The following NEK11 variants were observed in gnomAD, a reference collection of about 807,000 sequenced individuals.
The protein encoded by NEK11 is NIMA related kinase 11.
In NEK11, 72 loss-of-function variants were observed where a neutral mutation model predicts 80.7. That is an observed-to-expected ratio of 0.89 (90% CI 0.74 to 1.08). The LOEUF (loss-of-function observed/expected upper bound fraction) is 1.08. NEK11 is among the 50% of genes least tolerant of loss of function. The pLI, the probability that NEK11 is intolerant of heterozygous loss-of-function variation, is 0.00. For missense variants in NEK11, 764 were observed against 763.6 expected, an observed-to-expected ratio of 1.00 and a Z score of -0.01; for synonymous variants, 251 against 260.7, an observed-to-expected ratio of 0.96 and a Z score of 0.36.
chr3:131,302,887 A>G (rs2096677059), intron 17 of NEK11, among the ~76,000 whole-genome samples: 1 of 152,160 alleles, frequency 6.6e-6, no homozygotes, highest in South Asian at 2.1e-4. Flanking sequence ...TGTCAAGTTC[A>G]AGTCCTGAAT....
chr3:131,030,643 G>C (rs6784576), intron 3 of NEK11, among the ~76,000 whole-genome samples: 1 of 152,042 alleles, frequency 6.6e-6, no homozygotes, highest in African/African-American at 2.4e-5. Context: ...TTCAAATTCC[G>C]TAGTCAGAAA....
chr3:131,168,139 C>G (rs1005789202), intron 12 of NEK11, among the ~76,000 whole-genome samples: 4 of 152,196 alleles, frequency 2.6e-5, no homozygotes, highest in African/African-American at 7.2e-5. Flanking sequence ...GGCACATTGT[C>G]AGCATCCCAT....
chr3:131,332,868 T>C (rs141389364), intron 17 of NEK11, among the ~76,000 whole-genome samples: 18,117 of 151,922 alleles, frequency 0.12, 1,511 homozygotes, highest in East Asian at 0.3. Context: ...AGGGTATCAG[T>C]GATGGAAGAC....
chr3:131,053,918 A>G (rs2068867507), intron 3 of NEK11: 1 of 152,294 alleles, frequency 6.6e-6, no homozygotes, highest in Non-Finnish European at 1.5e-5. Flanking sequence ...CAAGATTATT[A>G]TAAATTTTAA....
chr3:131,334,272 A>G (rs1257561058), intron 17 of NEK11, among the ~76,000 whole-genome samples: 1 of 152,228 alleles, frequency 6.6e-6, no homozygotes, highest in Non-Finnish European at 1.5e-5. Context: ...ACTGTCTCTC[A>G]GACCACAGTG....
chr3:131,277,531 A>T (rs927943395), intron 17 of NEK11, among the ~76,000 whole-genome samples: 1 of 152,220 alleles, frequency 6.6e-6, no homozygotes, highest in African/African-American at 2.4e-5. Flanking sequence ...AGTGTGTGAC[A>T]GTTTAAGGAT....
intron 17 of NEK11, among the ~76,000 whole-genome samples, chr3:131,328,101 T>A (rs1039646485): frequency 6.6e-6 from 1 of 151,836 alleles, no homozygotes; most frequent in Non-Finnish European, 1.5e-5. Context: ...CTGGGAAACA[T>A]AGCAAGACAC....
intron 3 of NEK11, among the ~76,000 whole-genome samples, chr3:131,034,356 CTGT>C (rs1560105564): frequency 2.6e-5 from 4 of 152,078 alleles, no homozygotes; most frequent in African/African-American, 9.7e-5. Context: ...TGATTTTATG[CTGT>C]TGTCTGTTTT....
chr3:131,092,783 T>G (rs2076916790), intron 4 of NEK11: 1 of 152,240 alleles, frequency 6.6e-6, no homozygotes, highest in African/African-American at 2.4e-5. Flanking sequence ...TAGAGTGATT[T>G]AAGCCTGCCG....
At chr3:131,324,324 T>C (rs1298162459) in intron 17 of NEK11, among the ~76,000 whole-genome samples, 1 of 152,198 alleles carries the variant, frequency 6.6e-6, no homozygotes, top group Non-Finnish European at 1.5e-5. Context: ...TTGTTGAAAC[T>C]CACCAAATGA....
chr3:131,194,267 A>G (rs1212176439), intron 14 of NEK11, among the ~76,000 whole-genome samples: 1 of 152,176 alleles, frequency 6.6e-6, no homozygotes, highest in East Asian at 1.9e-4. Context: ...TTTTTAGTCG[A>G]ATAGCTTATG....
chr3:131,180,351 C>T (rs1579684773), intron 14 of NEK11, among the ~76,000 whole-genome samples: 1 of 152,116 alleles, frequency 6.6e-6, no homozygotes, highest in South Asian at 2.1e-4. Flanking sequence ...GAACAAAACC[C>T]AAATATATAA....
At chr3:131,210,712 A>G (rs912831263) in intron 14 of NEK11, among the ~76,000 whole-genome samples, 1 of 151,990 alleles carries the variant, frequency 6.6e-6, no homozygotes, top group Non-Finnish European at 1.5e-5. Flanking sequence ...GAATTGATCC[A>G]TTTACCATTA....
intron 14 of NEK11, 119 bp downstream of exon 14, chr3:131,171,006 A>G (rs2092654440): frequency 1.3e-6 from 1 of 778,890 alleles, no homozygotes; most frequent in African/African-American, 1.7e-5. Flanking sequence ...TGCAGCTATT[A>G]TCAGTTTACC....
chr3:131,203,234 G>C (rs1189419361), intron 14 of NEK11, among the ~76,000 whole-genome samples: 1 of 152,038 alleles, frequency 6.6e-6, no homozygotes, highest in Non-Finnish European at 1.5e-5. Flanking sequence ...ATACACCATG[G>C]AATACTATGC....
intron 3 of NEK11, among the ~76,000 whole-genome samples, chr3:131,060,051 A>G (rs368387569): frequency 1.3e-5 from 2 of 152,304 alleles, no homozygotes; most frequent in African/African-American, 4.8e-5. Context: ...GTCTCTTTTA[A>G]GCACTGGGCC....
At chr3:131,041,150 T>G (rs1320377116) in intron 3 of NEK11, among the ~76,000 whole-genome samples, 1 of 152,250 alleles carries the variant, frequency 6.6e-6, no homozygotes, top group Non-Finnish European at 1.5e-5. Context: ...TGCTTTTAAT[T>G]TATATTGCTA....
intron 17 of NEK11, among the ~76,000 whole-genome samples, chr3:131,277,931 TA>T (rs2096325809): frequency 6.6e-6 from 1 of 152,226 alleles, no homozygotes; most frequent in South Asian, 2.1e-4. Context: ...AAGTGCTCAG[TA>T]AATGTTAACA....
chr3:131,115,970 C>CCTTCTTTCTT (rs2081123193), intron 5 of NEK11, among the ~76,000 whole-genome samples: 1 of 136,914 alleles, frequency 7.3e-6, no homozygotes, highest in African/African-American at 2.7e-5. Flanking sequence ...TTCTTTCTTT[C>CCTTCTTTCTT]TTTCTTTCTT....
Sources: gnomAD v4.1 joint callset for allele counts (sites outside exome capture counted in the v4.1 genomes callset) on GRCh38, gnomAD v4.1.1 for gene constraint, MANE v1.5 for transcripts, NCBI Gene and HGNC (gene_info 2026-07-23, HGNC 2026-07-21) for gene names.